The following ASTN2 variants were observed in gnomAD, a reference collection of about 807,000 sequenced individuals.
ASTN2 encodes the protein astrotactin 2.
In ASTN2, 54 loss-of-function variants were observed where a neutral mutation model predicts 139.8. That is an observed-to-expected ratio of 0.39 (90% CI 0.31 to 0.48). ASTN2 has a LOEUF of 0.48. Among genes scored for constraint, ASTN2 ranks in the 20% least tolerant of loss-of-function variants. The probability of loss-of-function intolerance (pLI) is 0.95; values close to 1 mark genes in which losing one functional copy is unlikely to be tolerated. For synonymous variants in ASTN2, 756 were observed against 719.5 expected (o/e 1.05, Z -0.81); for missense variants, 1,565 against 1,725.1 (o/e 0.91, Z 1.64).
intron 13 of ASTN2, among the ~76,000 whole-genome samples, chr9:116,742,977 T>G (rs774494353): frequency 6.6e-6 from 1 of 151,960 alleles, no homozygotes; most frequent in East Asian, 1.9e-4. Flanking sequence ...CATCCATACC[T>G]CAATGGATGC....
chr9:116,735,115 C>T (rs1030385268), intron 13 of ASTN2, among the ~76,000 whole-genome samples: 3 of 152,114 alleles, frequency 2.0e-5, no homozygotes, highest in Non-Finnish European at 2.9e-5. Flanking sequence ...GATACGAACC[C>T]AGGTCTGGTT....
intron 2 of ASTN2, among the ~76,000 whole-genome samples, chr9:117,258,162 T>C (rs974088897): frequency 6.6e-6 from 1 of 152,154 alleles, no homozygotes; most frequent in Non-Finnish European, 1.5e-5. Context: ...GCATGGGTCA[T>C]GAAGTTCAAT....
chr9:117,001,506 A>C (rs561198684), intron 7 of ASTN2, among the ~76,000 whole-genome samples: 8 of 152,152 alleles, frequency 5.3e-5, no homozygotes, highest in Non-Finnish European at 8.8e-5. Context: ...ACCTCTCTTC[A>C]TATTACCTTC....
At chr9:116,446,323 T>C (rs1308931043) in intron 20 of ASTN2, among the ~76,000 whole-genome samples, 1 of 140,456 alleles carries the variant, frequency 7.1e-6, no homozygotes, top group Admixed American at 7.5e-5. Context: ...ATCAGACCTC[T>C]GAGTTTCTTG....
intron 10 of ASTN2, among the ~76,000 whole-genome samples, chr9:116,918,578 A>T (rs778430063): frequency 2.3e-4 from 35 of 151,876 alleles, no homozygotes; most frequent in Admixed American, 7.9e-4. Flanking sequence ...ATATTTTTTC[A>T]TTTACATTCT....
chr9:117,200,585 T>G (rs1440698968), intron 3 of ASTN2, among the ~76,000 whole-genome samples: 1 of 152,222 alleles, frequency 6.6e-6, no homozygotes, highest in Admixed American at 6.5e-5. Flanking sequence ...ATGTTGAATT[T>G]TATCAAAGGC....
chr9:117,146,177 C>G (rs971229565), intron 3 of ASTN2, among the ~76,000 whole-genome samples: 1 of 152,238 alleles, frequency 6.6e-6, no homozygotes, highest in East Asian at 1.9e-4. Flanking sequence ...ATCAGTATAT[C>G]AAGTTGTCCA....
chr9:117,395,837 A>T (rs1355827289), intron 1 of ASTN2, among the ~76,000 whole-genome samples: 1 of 148,174 alleles, frequency 6.7e-6, no homozygotes, highest in Non-Finnish European at 1.5e-5. Context: ...TCCCAGATGG[A>T]AAAAATATTT....
At chr9:117,080,610 AT>A (rs1235505229) in intron 5 of ASTN2, among the ~76,000 whole-genome samples, 6 of 152,174 alleles carry the variant, frequency 3.9e-5, no homozygotes, top group African/African-American at 1.4e-4. Context: ...ATTTATTTCT[AT>A]TTTTCTATGT....
At chr9:116,887,012 A>G (rs554780495) in intron 10 of ASTN2, among the ~76,000 whole-genome samples, 1 of 152,290 alleles carries the variant, frequency 6.6e-6, no homozygotes, top group Non-Finnish European at 1.5e-5. Context: ...TCAAATGGGA[A>G]TACGAATGCA....
intron 13 of ASTN2, among the ~76,000 whole-genome samples, chr9:116,800,807 A>C (rs944225769): frequency 1.3e-5 from 2 of 152,204 alleles, no homozygotes; most frequent in African/African-American, 4.8e-5. Flanking sequence ...CATCTGTACA[A>C]GTAAGGTCTG....
At chr9:117,293,526 G>T (rs895545527) in intron 1 of ASTN2, among the ~76,000 whole-genome samples, 3 of 152,160 alleles carry the variant, frequency 2.0e-5, no homozygotes, top group African/African-American at 2.4e-5. Flanking sequence ...AATCACGAAG[G>T]TTTGTCAGCA....
chr9:117,230,568 G>A (rs1393304377), intron 2 of ASTN2, among the ~76,000 whole-genome samples: 1 of 152,102 alleles, frequency 6.6e-6, no homozygotes, highest in Non-Finnish European at 1.5e-5. Flanking sequence ...GGGGTTCTGG[G>A]TAGACATCAA....
chr9:117,228,505 C>A (rs1412928007), intron 2 of ASTN2, among the ~76,000 whole-genome samples: 1 of 151,954 alleles, frequency 6.6e-6, no homozygotes, highest in African/African-American at 2.4e-5. Context: ...TCAAGAAAAC[C>A]CCTGGAAAGT....
intron 3 of ASTN2, among the ~76,000 whole-genome samples, chr9:117,213,367 G>T (rs750761727): frequency 6.6e-6 from 1 of 152,094 alleles, no homozygotes; most frequent in Non-Finnish European, 1.5e-5. Flanking sequence ...CTAGATAGGT[G>T]TAATAATTTC....
chr9:117,076,376 G>A (rs77567358), intron 5 of ASTN2, among the ~76,000 whole-genome samples: 7,897 of 151,390 alleles, frequency 0.052, 469 homozygotes, highest in African/African-American at 0.14. Context: ...AATTTCTGTC[G>A]AATAAAGGAA....
intron 1 of ASTN2, among the ~76,000 whole-genome samples, chr9:117,401,354 G>A (rs146075271): frequency 1.3e-3 from 203 of 152,306 alleles, no homozygotes; most frequent in African/African-American, 4.5e-3. Flanking sequence ...AGAGTGTGGT[G>A]TATAAGGGTG....
chr9:116,863,572 T>TG lies in ASTN2; in HGVS notation c.2040+10dup, dbSNP rs1412470235. The TG allele has an allele frequency of 6.2e-7, 1 of 1,613,226 alleles. No individual in the cohort carries two copies. Among genetic ancestry groups the TG allele is most frequent in the Non-Finnish European group, 8.5e-7 (1 of 1,179,488 alleles). ...GGCCACTGCCATGTTCCCGGGCCAA[T>TG]GGGCACTTACCACACATCCCGAGGA... On this transcript the variant is annotated intron_variant, in intron 11 of 22. Coordinates refer to ENST00000313400, the MANE Select transcript of ASTN2 (RefSeq NM_001365068.1).
At chr9:117,057,772 A>T (rs1369346069) in intron 5 of ASTN2, among the ~76,000 whole-genome samples, 2 of 152,174 alleles carry the variant, frequency 1.3e-5, no homozygotes, top group African/African-American at 2.4e-5. Flanking sequence ...CGAGGCAAGA[A>T]AAAGTGCCAT....
Sources: allele counts gnomAD v4.1 joint callset (sites outside exome capture counted in the v4.1 genomes callset), GRCh38; gene constraint gnomAD v4.1.1; transcripts MANE v1.5; gene names NCBI Gene and HGNC (gene_info 2026-07-23, HGNC 2026-07-21).